Variants in FRK observed in about 807,000 individuals in gnomAD.
The protein encoded by FRK is fyn related Src family tyrosine kinase.
FRK carries 51 observed loss-of-function variants against 56.4 expected under a neutral mutation model. The observed-to-expected ratio is 0.90, with a 90% CI of 0.72 to 1.14. The LOEUF (loss-of-function observed/expected upper bound fraction) is 1.14, where lower values mean the gene tolerates loss of function less well. Ranked by LOEUF, FRK falls within the 50% of genes most tolerant of loss-of-function variation. The pLI is 0.00. For synonymous variants in FRK, 245 were observed against 217.9 expected (o/e 1.12, Z -1.10); for missense variants, 570 against 601.4 (o/e 0.95, Z 0.55).
chr6:115,944,521 G>C (rs1304099181), intron 5 of FRK, 96 bp from the exon 6 acceptor site: 1 of 884,788 alleles, frequency 1.1e-6, no homozygotes, highest in Non-Finnish European at 1.7e-6. Flanking sequence ...CTATCAGTGA[G>C]ATTAAGTACA....
At chr6:115,970,663 T>A (rs1235348763) in intron 2 of FRK, among the ~76,000 whole-genome samples, 1 of 151,700 alleles carries the variant, frequency 6.6e-6, no homozygotes, top group South Asian at 2.1e-4. Context: ...TCTGGGGAGG[T>A]TGAGATGGAA....
At chr6:116,093,102 C>G in the FRK span, among the ~76,000 whole-genome samples, 6 of 152,336 alleles carry the variant, frequency 3.9e-5, no homozygotes, top group African/African-American at 1.4e-4. Context: ...GAATCCACAA[C>G]TATGCAAAGC....
At chr6:116,096,095 G>A in the FRK span, among the ~76,000 whole-genome samples, 2 of 152,160 alleles carry the variant, frequency 1.3e-5, no homozygotes, top group African/African-American at 4.8e-5. Context: ...TCAAGCTACA[G>A]ATGGTCTTAC....
chr6:115,956,421 T>G (rs763214071), intron 5 of FRK, 31 bp downstream of exon 5: 1 of 1,460,302 alleles, frequency 6.8e-7, no homozygotes, highest in Admixed American at 2.5e-5. Flanking sequence ...TAAATTCCTC[T>G]TTTTTTCCTT....
At chr6:115,959,347 T>C (rs971322763) in intron 4 of FRK, among the ~76,000 whole-genome samples, 2 of 152,206 alleles carry the variant, frequency 1.3e-5, no homozygotes, top group African/African-American at 4.8e-5. Context: ...GACTTTTTTG[T>C]TGTCTTTTGA....
At chr6:115,979,250 G>C (rs528757479) in intron 2 of FRK, among the ~76,000 whole-genome samples, 24 of 152,176 alleles carry the variant, frequency 1.6e-4, no homozygotes, top group South Asian at 8.3e-4. Flanking sequence ...TGTGGATGTG[G>C]GAGATAGTGA....
rs143648469 is a variant in FRK, at chr6:115,943,153, G to A, written c.1173C>T (p.His391=). The A allele has an allele frequency of 7.4e-5, 119 of 1,611,938 alleles. No homozygotes were observed. The highest frequency in any genetic ancestry group is 2.1e-4 in the South Asian group (19 of 90,862). ...TCCACTTCACCGGCAGCTTTATTTC[G>A]TGTCTAGATTCATAGATGTCTTCAT... The part of the protein sequence containing the change: ...VDNEDIYESR[H]EIKLPVKWTA... The change falls in exon 7 of 8, where the codon CAC becomes CAT. Residue 391 remains histidine, a synonymous_variant. Coordinates refer to ENST00000606080, the MANE Select transcript of FRK (RefSeq NM_002031.3).
intron 1 of FRK, among the ~76,000 whole-genome samples, chr6:116,015,802 A>G (rs979002762): frequency 1.3e-5 from 2 of 152,216 alleles, no homozygotes; most frequent in Non-Finnish European, 2.9e-5. Flanking sequence ...TGTGAACTTG[A>G]CAGAGATGAT....
In FRK at chr6:116,060,691, C is replaced by G. The variant is rs943841951; in HGVS notation, c.-380G>C. 5.9e-6 allele frequency: 1 copy of G among 168,480 alleles called. No individual in the cohort carries two copies. Among genetic ancestry groups the G allele is most frequent in the African/African-American group, 2.4e-5 (1 of 41,768 alleles). 10.4% of individuals were successfully genotyped at this position (168,480 alleles called of 1,614,324 possible). A position where few individuals can be genotyped will look rare whatever the true frequency, so the allele number is the denominator to read the frequency against. On this transcript the variant is annotated 5_prime_UTR_variant, in exon 1 of 8. Transcript: ENST00000606080. Reference sequence around the variant, plus strand: ...GAATGGTGCCATCTTGCCTTTTGTCCCAATAAAAAGTTAGCAAGAGGAAGC... The same window carrying G: ...GAATGGTGCCATCTTGCCTTTTGTCGCAATAAAAAGTTAGCAAGAGGAAGC...
At chr6:116,059,841 G>T in intron 1 of FRK, 127 bp downstream of exon 1, 1 of 788,142 alleles carries the variant, frequency 1.3e-6, no homozygotes, top group Middle Eastern at 3.7e-4. Flanking sequence ...GTGGTTTCTT[G>T]CCAGTACTTC....
At chr6:115,974,727 T>C (rs1773929160) in intron 2 of FRK, among the ~76,000 whole-genome samples, 5 of 152,192 alleles carry the variant, frequency 3.3e-5, no homozygotes, top group African/African-American at 1.2e-4. Context: ...AGTCCTTTCA[T>C]AAAACTTTAG....
At position 116,014,771 on chromosome 6, in the gene FRK, T is replaced by G. The variant is rs1357211955; in HGVS notation, c.345-10773A>C. ...AAAATGTGACTTGTTCTTTAAAAAT[T>G]GTTTCACAAACAAATATGAGATGGA... is the stretch of plus-strand genomic sequence containing the variant. On this transcript the variant is annotated intron_variant, in intron 1 of 7. Transcript: ENST00000606080. Among the ~76,000 whole-genome samples the G allele has an allele frequency of 2.6e-5, 4 of 152,286 alleles. 1 individual carries two copies. Among genetic ancestry groups the G allele is most frequent in the African/African-American group, 2.4e-5 (1 of 41,582 alleles).
intron 2 of FRK, among the ~76,000 whole-genome samples, chr6:115,974,301 C>T (rs1773915448): frequency 6.6e-6 from 1 of 152,154 alleles, no homozygotes; most frequent in Admixed American, 6.5e-5. Context: ...TTAAAGTGTG[C>T]TTTGTGATTT....
Position 115,934,949 on chromosome 6 carries a change from A to G in FRK, c.*7465T>C, listed in dbSNP as rs1196824783. Reference sequence around the variant, plus strand: ...CTCTTATCCTACCAGACCAAAAAAAAAAAAAAACTTTCATAACCAAGTTTG... The same window carrying G: ...CTCTTATCCTACCAGACCAAAAAAAGAAAAAAACTTTCATAACCAAGTTTG... On this transcript the variant is annotated 3_prime_UTR_variant, in exon 8 of 8. Coordinates refer to ENST00000606080, the MANE Select transcript of FRK (RefSeq NM_002031.3). The G allele has an allele frequency of 4.1e-5, 6 of 146,014 alleles. No homozygotes were observed. Among genetic ancestry groups the G allele is most frequent in the African/African-American group, 1.5e-4 (6 of 40,876 alleles). The allele number at this position is 146,014 out of a possible 1,614,324, so 9.0% of individuals were successfully genotyped here. A position where few individuals can be genotyped will look rare whatever the true frequency, so the allele number is the denominator to read the frequency against.
intron 1 of FRK, among the ~76,000 whole-genome samples, chr6:116,056,200 GTTT>G (rs540554217): frequency 3.0e-5 from 4 of 132,706 alleles, no homozygotes; most frequent in African/African-American, 5.5e-5. Context: ...TGTTCATTTG[GTTT>G]TTTTTTTTTT....
intron 1 of FRK, among the ~76,000 whole-genome samples, chr6:116,043,278 A>G (rs1481664434): frequency 3.9e-5 from 6 of 152,222 alleles, no homozygotes; most frequent in Non-Finnish European, 7.3e-5. Flanking sequence ...GAATCAATAG[A>G]TGTACATTCT....
chr6:116,001,915 T>A lies in FRK; in HGVS notation c.466+1962A>T, dbSNP rs149018589. Among the ~76,000 whole-genome samples, 39 of 152,354 alleles carry A rather than the reference T, an allele frequency of 2.6e-4. No homozygotes were observed. In the East Asian group the frequency reaches 6.9e-3, roughly 27 times the overall value. On this transcript the variant is annotated intron_variant, in intron 2 of 7. Coordinates refer to ENST00000606080, the MANE Select transcript of FRK (RefSeq NM_002031.3). ...CTAATGTTTGATGCAGAATCTCTTC[T>A]GAAAATTCATTTTCAGAACAGAATT...
chr6:116,092,242 A>G, the FRK span, among the ~76,000 whole-genome samples: 1 of 152,206 alleles, frequency 6.6e-6, no homozygotes, highest in African/African-American at 2.4e-5. Flanking sequence ...AAGGCCTAAC[A>G]AAAGCTATTC....
intron 5 of FRK, among the ~76,000 whole-genome samples, chr6:115,955,277 G>A (rs968058325): frequency 6.6e-6 from 1 of 151,980 alleles, no homozygotes; most frequent in Non-Finnish European, 1.5e-5. Flanking sequence ...TGAAGGAAAT[G>A]TTTCCAGGAA....
Sources: gnomAD v4.1 joint callset for allele counts (sites outside exome capture counted in the v4.1 genomes callset) on GRCh38, gnomAD v4.1.1 for gene constraint, MANE v1.5 for transcripts, NCBI Gene and HGNC (gene_info 2026-07-23, HGNC 2026-07-21) for gene names.